The following ARHGAP26 variants were observed in gnomAD, a reference collection of about 807,000 sequenced individuals.
The protein encoded by ARHGAP26 is Rho GTPase activating protein 26.
ARHGAP26 carries 38 observed loss-of-function variants against 104.8 expected under a neutral mutation model. The ratio of observed to expected loss-of-function variants is 0.36; its 90% CI spans 0.28 to 0.48. ARHGAP26 has a LOEUF of 0.48. ARHGAP26 is among the 20% of genes least tolerant of loss of function. The probability of loss-of-function intolerance (pLI) is 0.99; values close to 1 mark genes in which losing one functional copy is unlikely to be tolerated. For missense variants in ARHGAP26, 704 were observed against 947.9 expected, an observed-to-expected ratio of 0.74 and a Z score of 3.38; for synonymous variants, 341 against 340.0, an observed-to-expected ratio of 1.00 and a Z score of -0.03.
chr5:143,011,225 C>G (rs760661914), intron 11 of ARHGAP26, among the ~76,000 whole-genome samples: 11 of 151,924 alleles, frequency 7.2e-5, no homozygotes, highest in African/African-American at 2.7e-4. Flanking sequence ...AGGAGGTACC[C>G]CTCATCATTC....
intron 12 of ARHGAP26, among the ~76,000 whole-genome samples, chr5:143,015,632 A>G (rs1779483953): frequency 6.6e-6 from 1 of 152,162 alleles, no homozygotes; most frequent in African/African-American, 2.4e-5. Flanking sequence ...ACCAGAGGGG[A>G]TGGATGCCAA....
intron 6 of ARHGAP26, among the ~76,000 whole-genome samples, chr5:142,896,104 T>C (rs1759446040): frequency 6.6e-6 from 1 of 152,194 alleles, no homozygotes; most frequent in South Asian, 2.1e-4. Context: ...CCTTATTGAT[T>C]TTCCTGCTTA....
At chr5:143,093,245 G>C (rs2040524780) in intron 17 of ARHGAP26, among the ~76,000 whole-genome samples, 1 of 150,868 alleles carries the variant, frequency 6.6e-6, no homozygotes, top group African/African-American at 2.4e-5. Context: ...GCTTTCTTCT[G>C]TTAGCAAAGC....
intron 20 of ARHGAP26, among the ~76,000 whole-genome samples, chr5:143,198,093 C>T (rs577435582): frequency 3.3e-5 from 5 of 152,254 alleles, no homozygotes; most frequent in South Asian, 2.1e-4. Context: ...CCCAGAACAA[C>T]GAAAGATTGG....
At chr5:142,946,357 C>T (rs1767097570) in intron 11 of ARHGAP26, among the ~76,000 whole-genome samples, 1 of 152,184 alleles carries the variant, frequency 6.6e-6, no homozygotes, top group African/African-American at 2.4e-5. Context: ...CCTCTCACCT[C>T]CAGCAACAGC....
At chr5:142,992,971 A>G (rs985277722) in intron 11 of ARHGAP26, among the ~76,000 whole-genome samples, 19 of 151,918 alleles carry the variant, frequency 1.3e-4, no homozygotes, top group African/African-American at 2.4e-5. Context: ...CTGAGTCCTA[A>G]GTTCTTTATT....
rs962242476 is a variant in ARHGAP26, at chr5:143,228,151, A to G, written c.*5705A>G. ...ACCATTTCTACAAAGTTGTCCAGAC[A>G]CCTAAAAGCAGCTTTCTTGGTTATC... On this transcript the variant is annotated 3_prime_UTR_variant, in exon 23 of 23. Transcript: ENST00000645722. 2.7e-5 allele frequency: 6 copies of G among 226,034 alleles called. No individual in the cohort carries two copies. Among genetic ancestry groups the G allele is most frequent in the African/African-American group, 1.1e-4 (5 of 45,092 alleles). 14.0% of individuals were successfully genotyped at this position (226,034 alleles called of 1,614,324 possible).
At chr5:142,956,038 T>C (rs936021393) in intron 11 of ARHGAP26, among the ~76,000 whole-genome samples, 1 of 152,204 alleles carries the variant, frequency 6.6e-6, no homozygotes, top group Non-Finnish European at 1.5e-5. Context: ...TCTGAGAATA[T>C]TCAAAGCCAT....
chr5:143,030,254 G>A (rs1324905224), intron 12 of ARHGAP26, among the ~76,000 whole-genome samples: 4 of 152,098 alleles, frequency 2.6e-5, no homozygotes, highest in African/African-American at 9.7e-5. Flanking sequence ...GTTTTCCAGG[G>A]GCTCTCTTGA....
chr5:143,222,008 T>G (rs1438068155), intron 22 of ARHGAP26, among the ~76,000 whole-genome samples: 1 of 151,924 alleles, frequency 6.6e-6, no homozygotes, highest in Non-Finnish European at 1.5e-5. Flanking sequence ...CTAACAAGAG[T>G]AGGAATCTGT....
At chr5:142,977,589 G>A (rs529811023) in intron 11 of ARHGAP26, among the ~76,000 whole-genome samples, 4 of 152,036 alleles carry the variant, frequency 2.6e-5, no homozygotes, top group South Asian at 2.1e-4. Context: ...CAGTCTTTGC[G>A]TTGAACTCAG....
intron 10 of ARHGAP26, among the ~76,000 whole-genome samples, chr5:142,918,929 A>G (rs184692817): frequency 4.3e-4 from 65 of 152,238 alleles, no homozygotes; most frequent in African/African-American, 1.4e-3. Context: ...TTCAGTTTAA[A>G]GACTCTAGCA....
intron 5 of ARHGAP26, among the ~76,000 whole-genome samples, chr5:142,890,365 G>A (rs1273548937): frequency 9.3e-5 from 14 of 151,078 alleles, no homozygotes; most frequent in Non-Finnish European, 3.0e-5. Flanking sequence ...GCGGTTTGGA[G>A]TGTTAGAGGA....
chr5:142,941,544 A>G (rs1452549861), intron 11 of ARHGAP26, among the ~76,000 whole-genome samples: 1 of 152,184 alleles, frequency 6.6e-6, no homozygotes, highest in African/African-American at 2.4e-5. Flanking sequence ...AACTGAATCA[A>G]GAAGCCAGTT....
At position 142,878,406 on chromosome 5, in the gene ARHGAP26, T is replaced by C. The variant is rs79095189; in HGVS notation, c.313-968T>C. Among the ~76,000 whole-genome samples the C allele has an allele frequency of 0.015, 2,306 of 152,296 alleles. 194 individuals carry two copies. The East Asian group carries it at 0.25, about 16-fold the overall frequency. On this transcript the variant is annotated intron_variant, in intron 3 of 22. Coordinates refer to ENST00000645722, the MANE Select transcript of ARHGAP26 (RefSeq NM_001135608.3). ...CACACAGTTGGCAGCCAATCAAGAA[T>C]TAATCCATTCATTCATTTAGTCGTT...
At chr5:143,219,461 C>T (rs1810853575) in intron 22 of ARHGAP26, among the ~76,000 whole-genome samples, 1 of 152,144 alleles carries the variant, frequency 6.6e-6, no homozygotes, top group African/African-American at 2.4e-5. Flanking sequence ...AGAAGCAAAG[C>T]TTAGCACGTT....
intron 10 of ARHGAP26, among the ~76,000 whole-genome samples, chr5:142,926,343 C>G (rs2152518531): frequency 6.6e-6 from 1 of 151,260 alleles, no homozygotes; most frequent in South Asian, 2.1e-4. Flanking sequence ...TAAGCAGATC[C>G]AGATTCTTAA....
chr5:142,982,040 G>A lies in ARHGAP26; in HGVS notation c.1108-32040G>A, dbSNP rs546551459. On this transcript the variant is annotated intron_variant, in intron 11 of 22. Coordinates refer to ENST00000645722, the MANE Select transcript of ARHGAP26 (RefSeq NM_001135608.3). ...AGCTGCTTTTTTGCTGCTGCTGCAT[G>A]TAAGCTAGACTGATCCAGCTCACCT... Among the ~76,000 whole-genome samples the A allele has an allele frequency of 2.0e-5, 3 of 152,388 alleles. No individual in the cohort carries two copies. In the East Asian group the frequency reaches 5.8e-4, roughly 29 times the overall value.
chr5:142,874,515 G>A (rs995703942), intron 2 of ARHGAP26, among the ~76,000 whole-genome samples: 1 of 152,190 alleles, frequency 6.6e-6, no homozygotes, highest in Non-Finnish European at 1.5e-5. Context: ...AGGGTCTCGA[G>A]TATCCTCAGG....
Sources: gnomAD v4.1 joint callset for allele counts (sites outside exome capture counted in the v4.1 genomes callset) on GRCh38, gnomAD v4.1.1 for gene constraint, MANE v1.5 for transcripts, NCBI Gene and HGNC (gene_info 2026-07-23, HGNC 2026-07-21) for gene names.